The following THAP8 variants were observed in gnomAD, a reference collection of about 807,000 sequenced individuals.
THAP8 encodes THAP domain-containing protein 8.
A neutral mutation model predicts 25.0 loss-of-function variants in THAP8; 24 were observed. The observed-to-expected ratio is 0.96, with a 90% CI of 0.69 to 1.35. The LOEUF is 1.35. Among genes scored for constraint, THAP8 ranks in the 40% most tolerant of loss-of-function variants. The pLI, the probability that THAP8 is intolerant of heterozygous loss-of-function variation, is 0.00. For synonymous variants in THAP8, 169 were observed against 157.6 expected (o/e 1.07, Z -0.54); for missense variants, 399 against 368.8 (o/e 1.08, Z -0.67).
chr19:36,035,299 G>A lies in THAP8; in HGVS notation c.*141C>T. The stretch of plus-strand genomic sequence containing the variant: ...CCTAAGGTTCAAGAGATCCCTAGGA[G>A]TGGGGTGGTAGAACCCAGGCCCTTG... On this transcript the variant is annotated 3_prime_UTR_variant, in exon 4 of 4. Transcript: ENST00000292894. 1 of 1,088,410 alleles carries A rather than the reference G, an allele frequency of 9.2e-7. No individual in the cohort carries two copies. Among genetic ancestry groups the A allele is most frequent in the South Asian group, 1.7e-5 (1 of 60,070 alleles). The allele number at this position is 1,088,410 out of a possible 1,614,324, so 67.4% of individuals were successfully genotyped here. A position where few individuals can be genotyped will look rare whatever the true frequency, so the allele number is the denominator to read the frequency against.
chr19:36,041,453 C>A (rs1418951750), intron 1 of THAP8, among the ~76,000 whole-genome samples: 1 of 151,954 alleles, frequency 6.6e-6, no homozygotes, highest in East Asian at 1.9e-4. Context: ...TAAAATAGTG[C>A]AGGACAAAAA....
chr19:36,045,693 G>A (rs1969855939), intron 1 of THAP8: 2 of 455,454 alleles, frequency 4.4e-6, no homozygotes, highest in Non-Finnish European at 8.8e-6. Context: ...AGAGGGAGGA[G>A]AATATATTAC....
chr19:36,035,431 T>C lies in THAP8; in HGVS notation c.*9A>G, dbSNP rs754398621. 1 of 1,612,538 alleles carries C rather than the reference T, an allele frequency of 6.2e-7. No homozygotes were observed. The highest frequency in any genetic ancestry group is 8.5e-7 in the Non-Finnish European group (1 of 1,178,902). On this transcript the variant is annotated 3_prime_UTR_variant, in exon 4 of 4. Coordinates refer to ENST00000292894, the MANE Select transcript of THAP8 (RefSeq NM_152658.3). Reference sequence around the variant, plus strand: ...ATCTTTTGTCCCTCGACATTGTCTGTCTTGATCCTTATGCACTGGGGATCC... The same window carrying C: ...ATCTTTTGTCCCTCGACATTGTCTGCCTTGATCCTTATGCACTGGGGATCC...
Position 36,054,273 on chromosome 19 carries a change from C to A in THAP8, c.-56G>T. On this transcript the variant is annotated 5_prime_UTR_variant, in exon 1 of 4. Transcript: ENST00000292894. ...GTCAGCGGCTGCACTTTGGTTCTCG[C>A]GGAGCGCCGCCTAACCCCGCCCCAC... is the stretch of plus-strand genomic sequence containing the variant. 3.2e-6 allele frequency: 5 copies of A among 1,566,622 alleles called. No individual in the cohort carries two copies. The highest frequency in any genetic ancestry group is 2.4e-5 in the East Asian group (1 of 42,494).
intron 1 of THAP8, among the ~76,000 whole-genome samples, chr19:36,052,418 A>G (rs1353707262): frequency 6.6e-6 from 1 of 152,134 alleles, no homozygotes; most frequent in Non-Finnish European, 1.5e-5. Context: ...CCCCAACCCT[A>G]TCCCATCCGT....
Position 36,039,539 on chromosome 19 carries a change from G to T in THAP8, c.456C>A (p.Ala152=). The change falls in exon 3 of 4, where the codon GCC becomes GCA. Residue 152 remains alanine, a synonymous_variant. Transcript: ENST00000292894. ...TVATMLLTPL[A]PAPTPERSQP... ...GTGACCGCTCAGGAGTTGGCGCAGG[G>T]GCCAGGGGGGTCAGGAGCATGGTGG... 1 of 1,542,856 alleles carries T rather than the reference G, an allele frequency of 6.5e-7. No homozygotes were observed. The highest frequency in any genetic ancestry group is 2.4e-5 in the East Asian group (1 of 42,442).
At chr19:36,035,847 G>C (rs1599711008) in intron 3 of THAP8, among the ~76,000 whole-genome samples, 1 of 152,052 alleles carries the variant, frequency 6.6e-6, no homozygotes, top group Non-Finnish European at 1.5e-5. Context: ...GGGGGAAAGA[G>C]ATGTGCAGGC....
chr19:36,051,299 G>C (rs541975293), intron 1 of THAP8, among the ~76,000 whole-genome samples: 1 of 152,176 alleles, frequency 6.6e-6, no homozygotes, highest in Non-Finnish European at 1.5e-5. Flanking sequence ...AAAGAGATGA[G>C]GTCACACTGG....
At chr19:36,048,575 G>C (rs1969951474) in intron 1 of THAP8, among the ~76,000 whole-genome samples, 1 of 151,874 alleles carries the variant, frequency 6.6e-6, no homozygotes, top group Non-Finnish European at 1.5e-5. Flanking sequence ...ATGTTGGCCA[G>C]GCTGGTCTCA....
At chr19:36,043,962 T>C (rs1969790526) in intron 1 of THAP8, among the ~76,000 whole-genome samples, 2 of 152,220 alleles carry the variant, frequency 1.3e-5, no homozygotes, top group African/African-American at 4.8e-5. Context: ...GATTATCTGA[T>C]GAGGGACCCT....
At position 36,040,113 on chromosome 19, in the gene THAP8, C is replaced by A; in HGVS notation, c.107G>T (p.Arg36Leu). 1 of 1,609,058 alleles carries A rather than the reference C, an allele frequency of 6.2e-7. No homozygotes were observed. The highest frequency in any genetic ancestry group is 1.1e-5 in the South Asian group (1 of 90,994). The change falls in exon 2 of 4, where the codon CGG becomes CTG. Residue 36 changes from arginine (R) to leucine (L), a missense_variant. Coordinates refer to ENST00000292894, the MANE Select transcript of THAP8 (RefSeq NM_152658.3). ...FYKFPLKDGP[R>L]LQAWLQHMGC... ...CATGTGCTGCAGCCAGGCCTGCAGC[C>A]GGGGACCATCCTTCAGTGGGAACCT...
intron 3 of THAP8, among the ~76,000 whole-genome samples, chr19:36,038,265 T>C (rs958438020): frequency 3.3e-5 from 5 of 151,222 alleles, no homozygotes; most frequent in African/African-American, 1.2e-4. Flanking sequence ...TTTGTTTGGT[T>C]GTGGTTTTTG....
chr19:36,045,322 G>A (rs1047231686), intron 1 of THAP8, among the ~76,000 whole-genome samples: 1 of 151,940 alleles, frequency 6.6e-6, no homozygotes, highest in Non-Finnish European at 1.5e-5. Flanking sequence ...AGGTTGGAGT[G>A]CTGTGGTGTG....
Position 36,039,322 on chromosome 19 carries a change from C to A in THAP8, c.672+1G>T. The A allele has an allele frequency of 2.7e-6, 4 of 1,477,494 alleles. No individual in the cohort carries two copies. Among genetic ancestry groups the A allele is most frequent in the Non-Finnish European group, 3.6e-6 (4 of 1,119,270 alleles). 91.5% of individuals were successfully genotyped at this position (1,477,494 alleles called of 1,614,324 possible). On this transcript the variant is annotated splice_donor_variant, in intron 3 of 3. Transcript: ENST00000292894. LOFTEE classifies it high-confidence loss of function. ...GGCTGCCAGGCTGGGGTGCCACTCA[C>A]CAGGCGCTGCAGACCCCGGCGTGCC...
At chr19:36,040,330 T>C (rs1331125442) in intron 1 of THAP8, among the ~76,000 whole-genome samples, 194 bp from the exon 2 acceptor site, 1 of 152,114 alleles carries the variant, frequency 6.6e-6, no homozygotes, top group Non-Finnish European at 1.5e-5. Flanking sequence ...CATCTTTTAG[T>C]AGTAGTATTT....
At chr19:36,037,797 G>A (rs1182005211) in intron 3 of THAP8, among the ~76,000 whole-genome samples, 4 of 151,614 alleles carry the variant, frequency 2.6e-5, no homozygotes, top group African/African-American at 7.3e-5. Flanking sequence ...GTGCCACCAC[G>A]TCCGGCTACT....
In THAP8 at chr19:36,038,659, G is replaced by A. The variant is rs183573135; in HGVS notation, c.672+664C>T. On this transcript the variant is annotated intron_variant, in intron 3 of 3. Coordinates refer to ENST00000292894, the MANE Select transcript of THAP8 (RefSeq NM_152658.3). ...GAGGTGAGGAGATCGAGACCATCCT[G>A]GCTAACACGGTGAAACCCTGTCTGT... 1.1e-3 allele frequency among the ~76,000 whole-genome samples: 170 copies of A among 152,272 alleles called. 1 individual carries two copies. Among genetic ancestry groups the A allele is most frequent in the Non-Finnish European group, 2.1e-3 (144 of 68,016 alleles).
At chr19:36,047,371 A>T (rs11670442) in intron 1 of THAP8, among the ~76,000 whole-genome samples, 1,982 of 152,316 alleles carry the variant, frequency 0.013, 25 homozygotes, top group Non-Finnish European at 0.019. Context: ...GGAAGGCCTT[A>T]TAAAGGGAGA....
intron 1 of THAP8, among the ~76,000 whole-genome samples, chr19:36,050,511 G>C (rs532715293): frequency 1.3e-5 from 2 of 152,288 alleles, no homozygotes; most frequent in East Asian, 3.9e-4. Context: ...GTCTTGTCAA[G>C]GTGTTAGAGA....
Sources: gnomAD v4.1 joint callset for allele counts (sites outside exome capture counted in the v4.1 genomes callset) on GRCh38, gnomAD v4.1.1 for gene constraint, MANE v1.5 for transcripts, NCBI Gene and HGNC (gene_info 2026-07-23, HGNC 2026-07-21) for gene names.